Variants in GJC1 observed in about 807,000 individuals in gnomAD.
GJC1 encodes the protein gap junction protein gamma 1, also known as gap junction gamma-1 protein.
Under a neutral mutation model 29.3 loss-of-function variants are expected in GJC1, and 5 were observed. The observed-to-expected ratio is 0.17, with a 90% CI of 0.09 to 0.36. The LOEUF is 0.36. Among genes scored for constraint, GJC1 ranks in the 10% least tolerant of loss-of-function variants. GJC1 has a pLI of 1.00. For missense variants in GJC1, 310 were observed against 496.2 expected (o/e 0.62, Z 3.56); for synonymous variants, 177 against 183.3 (o/e 0.97, Z 0.28).
At position 44,801,599 on chromosome 17, in the gene GJC1, CTTT is replaced by C. The variant is rs777291440; in HGVS notation, c.*3025_*3027del. 1 of 150,780 alleles carries C rather than the reference CTTT, an allele frequency of 6.6e-6. No homozygotes were observed. Among genetic ancestry groups the C allele is most frequent in the African/African-American group, 2.5e-5 (1 of 40,802 alleles). 9.3% of individuals were successfully genotyped at this position (150,780 alleles called of 1,614,324 possible). On this transcript the variant is annotated 3_prime_UTR_variant, in exon 3 of 3. Coordinates refer to ENST00000592524, the MANE Select transcript of GJC1 (RefSeq NM_005497.4). ...AGCTAGACATCAACAGGCTCACTTT[CTTT>C]TTTTCTTTTTTTTTTTTTGAGACAA...
chr17:44,801,099 T>A lies in GJC1; in HGVS notation c.*3528A>T, dbSNP rs1365981061. 6.6e-6 allele frequency: 1 copy of A among 151,798 alleles called. No homozygotes were observed. The highest frequency in any genetic ancestry group is 2.4e-5 in the African/African-American group (1 of 41,316). The allele number at this position is 151,798 out of a possible 1,614,324, so 9.4% of individuals were successfully genotyped here. On this transcript the variant is annotated 3_prime_UTR_variant, in exon 3 of 3. Coordinates refer to ENST00000592524, the MANE Select transcript of GJC1 (RefSeq NM_005497.4). ...GACCAGCCTGCCAGCCTGGCCAACA[T>A]GATGAAGCCCTGTCTATATTAAAAA...
At chr17:44,811,471 A>G (rs2049981126) in intron 1 of GJC1, among the ~76,000 whole-genome samples, 1 of 146,204 alleles carries the variant, frequency 6.8e-6, no homozygotes, top group Admixed American at 7.1e-5. Flanking sequence ...CTGTAGCCTC[A>G]GCCTCCCCAG....
At position 44,805,472 on chromosome 17, in the gene GJC1, G is replaced by C. The variant is rs1289701789; in HGVS notation, c.346C>G (p.Pro116Ala). The C allele has an allele frequency of 1.2e-6, 2 of 1,614,018 alleles. No homozygotes were observed. The highest frequency in any genetic ancestry group is 4.5e-5 in the East Asian group (2 of 44,896). Residue 116 changes from proline to alanine, a missense_variant, in exon 3 of 3, where the codon CCC becomes GCC. By Grantham distance (27) the Pro-to-Ala change is conservative (BLOSUM62 -1). This residue lies in a region of GJC1 where 82 missense variants were observed against 100.7 expected (regional missense o/e 0.81). Coordinates refer to ENST00000592524, the MANE Select transcript of GJC1 (RefSeq NM_005497.4). The surrounding 1 kb of genome is among the most constrained non-coding windows in gnomAD (Gnocchi z 5.1). ...EADKKAARSK[P>A]YAMRWKQHRA... is the part of the protein sequence containing the mutation. ...TGTTGTTTCCAGCGCATTGCATAGG[G>C]CTTGCTCCGAGCTGCCTTCTTGTCT...
intron 1 of GJC1, among the ~76,000 whole-genome samples, chr17:44,817,439 G>C (rs962893530): frequency 1.3e-5 from 2 of 151,356 alleles, no homozygotes; most frequent in Non-Finnish European, 2.9e-5. Flanking sequence ...GGCCAGGCAC[G>C]GTGGCTCATG....
At chr17:44,818,740 A>G (rs1042510347) in intron 1 of GJC1, among the ~76,000 whole-genome samples, 2 of 152,208 alleles carry the variant, frequency 1.3e-5, no homozygotes, top group East Asian at 1.9e-4. Context: ...GGTTGCAGTG[A>G]GCCGAGATTG....
rs1331239608 is a variant in GJC1, at chr17:44,800,920, C to T, written c.*3707G>A. On this transcript the variant is annotated 3_prime_UTR_variant, in exon 3 of 3. Coordinates refer to ENST00000592524, the MANE Select transcript of GJC1 (RefSeq NM_005497.4). Reference sequence around the variant, plus strand: ...GGAAAATGCTATCTAATTTTCCCCTCGTTTGAATTAACCAAAAAAAAAAAA... The same window carrying T: ...GGAAAATGCTATCTAATTTTCCCCTTGTTTGAATTAACCAAAAAAAAAAAA... The T allele has an allele frequency of 6.9e-6, 1 of 145,598 alleles. No homozygotes were observed. The highest frequency in any genetic ancestry group is 2.6e-5 in the African/African-American group (1 of 37,970). The allele number at this position is 145,598 out of a possible 1,614,324, so 9.0% of individuals were successfully genotyped here. A position where few individuals can be genotyped will look rare whatever the true frequency, so the allele number is the denominator to read the frequency against.
At chr17:44,815,941 A>G (rs1043657370) in intron 1 of GJC1, among the ~76,000 whole-genome samples, 3 of 151,680 alleles carry the variant, frequency 2.0e-5, no homozygotes, top group African/African-American at 7.3e-5. Context: ...GTGAAACCCC[A>G]TCTCTACTAA....
chr17:44,827,296 T>C (rs2050186507), intron 1 of GJC1, among the ~76,000 whole-genome samples: 4 of 151,846 alleles, frequency 2.6e-5, no homozygotes, highest in African/African-American at 7.3e-5. Flanking sequence ...ATAGCACCAT[T>C]GCACTCCAGC....
At chr17:44,816,112 CAAAAAAAAAAAA>C (rs34938283) in intron 1 of GJC1, among the ~76,000 whole-genome samples, 1 of 47,442 alleles carries the variant, frequency 2.1e-5, no homozygotes, top group Non-Finnish European at 3.5e-5. Context: ...CACTCCGTCT[CAAAAAAAAAAAA>C]AAAAAAAAAA....
chr17:44,822,376 T>C (rs918633485), intron 1 of GJC1, among the ~76,000 whole-genome samples: 3 of 151,838 alleles, frequency 2.0e-5, no homozygotes, highest in African/African-American at 7.3e-5. Flanking sequence ...GTGTGTTGGC[T>C]CATGCCTATA....
rs2049835221 is a variant in GJC1, at chr17:44,800,839, A to G, written c.*3788T>C. The G allele has an allele frequency of 1.3e-5, 2 of 151,808 alleles. No individual in the cohort carries two copies. The highest frequency in any genetic ancestry group is 2.9e-5 in the Non-Finnish European group (2 of 67,992). The allele number at this position is 151,808 out of a possible 1,614,324, so 9.4% of individuals were successfully genotyped here. On this transcript the variant is annotated 3_prime_UTR_variant, in exon 3 of 3. Transcript: ENST00000592524. ...ACTTCGTAACACTTCTGAGATGTAC[A>G]TGGCTCCTGAAACTTGAAAACAAAG...
intron 1 of GJC1, among the ~76,000 whole-genome samples, chr17:44,824,114 T>G (rs2050143237): frequency 6.6e-6 from 1 of 151,990 alleles, no homozygotes; most frequent in Non-Finnish European, 1.5e-5. Context: ...TTCAAGCGAT[T>G]CCCCTGCCTC....
chr17:44,805,843 A>G lies in GJC1; in HGVS notation c.-20-6T>C. 1.6e-6 allele frequency: 2 copies of G among 1,287,838 alleles called. No individual in the cohort carries two copies. The highest frequency in any genetic ancestry group is 2.2e-6 in the Non-Finnish European group (2 of 919,456). 79.8% of individuals were successfully genotyped at this position (1,287,838 alleles called of 1,614,324 possible). ...GGTGATTGAATTGGTATGCCCTGATAAAAGTGGAAAAATACCAAAATAAAA... is the reference window on the plus strand; with the variant it reads ...GGTGATTGAATTGGTATGCCCTGATGAAAGTGGAAAAATACCAAAATAAAA... On this transcript the variant is annotated splice_region_variant and splice_polypyrimidine_tract_variant and intron_variant, in intron 2 of 2. Coordinates refer to ENST00000592524, the MANE Select transcript of GJC1 (RefSeq NM_005497.4). This position sits in a 1 kb window ranked among gnomAD's most constrained non-coding sequence, Gnocchi z 5.1.
intron 1 of GJC1, among the ~76,000 whole-genome samples, chr17:44,826,655 C>T (rs1265915333): frequency 1.3e-5 from 2 of 152,276 alleles, no homozygotes; most frequent in African/African-American, 4.8e-5. Context: ...GGACTGCTCT[C>T]AGCCAACTAC....
At chr17:44,819,334 A>G (rs974672275) in intron 1 of GJC1, among the ~76,000 whole-genome samples, 1 of 152,136 alleles carries the variant, frequency 6.6e-6, no homozygotes, top group Non-Finnish European at 1.5e-5. Context: ...AATGTGTTCA[A>G]GGTTTATCCA....
chr17:44,827,796 G>T (rs555678403), intron 1 of GJC1, among the ~76,000 whole-genome samples: 1 of 151,994 alleles, frequency 6.6e-6, no homozygotes, highest in Non-Finnish European at 1.5e-5. Context: ...TTAGCCAGGC[G>T]TGGTGGCGGG....
intron 1 of GJC1, among the ~76,000 whole-genome samples, chr17:44,824,902 A>G (rs979516869): frequency 1.4e-5 from 2 of 139,536 alleles, no homozygotes; most frequent in Non-Finnish European, 3.1e-5. Flanking sequence ...AAGTGCTTAT[A>G]TGTTTTGGGG....
At chr17:44,812,096 C>T (rs137911001) in intron 1 of GJC1, among the ~76,000 whole-genome samples, 255 of 152,102 alleles carry the variant, frequency 1.7e-3, no homozygotes, top group African/African-American at 5.9e-3. Context: ...GGATGGATCA[C>T]GAGGTCAGGA....
chr17:44,816,134 A>AG (rs1487811373), intron 1 of GJC1, among the ~76,000 whole-genome samples: 14 of 149,758 alleles, frequency 9.3e-5, no homozygotes, highest in African/African-American at 3.5e-4. Flanking sequence ...AAAAAAAAAA[A>AG]AAAAGTTGCT....
Sources: gnomAD v4.1 joint callset for allele counts (sites outside exome capture counted in the v4.1 genomes callset) on GRCh38, gnomAD v4.1.1 for gene constraint, gnomAD v4.1.1 regional missense constraint, Gnocchi (gnomAD v3.1) non-coding constraint, MANE v1.5 for transcripts, NCBI Gene and HGNC (gene_info 2026-07-23, HGNC 2026-07-21) for gene names.